Variants in ZNF880 observed in about 807,000 individuals in gnomAD.
ZNF880 encodes the protein zinc finger protein LOC400713.
Under a neutral mutation model 11.8 loss-of-function variants are expected in ZNF880, and 12 were observed. That is an observed-to-expected ratio of 1.02 (90% CI 0.65 to 1.65). ZNF880 has a LOEUF of 1.65. ZNF880 is among the 40% of genes most tolerant of loss of function. The pLI, the probability that ZNF880 is intolerant of heterozygous loss-of-function variation, is 0.00. For synonymous variants in ZNF880, 210 were observed against 232.4 expected, an observed-to-expected ratio of 0.90 and a Z score of 0.88; for missense variants, 601 against 673.9, an observed-to-expected ratio of 0.89 and a Z score of 1.20.
At chr19:52,397,164 T>TG in the ZNF880 span, 1 of 151,192 alleles carries the variant, frequency 6.6e-6, no homozygotes, top group Non-Finnish European at 1.5e-5. Flanking sequence ...TTTTTTTTTT[T>TG]AAAGAATCGG....
rs746900411 is a variant in ZNF880, at chr19:52,373,097, G to T, written c.13-14G>T. 1 of 1,611,374 alleles carries T rather than the reference G, an allele frequency of 6.2e-7. No homozygotes were observed. Among genetic ancestry groups the T allele is most frequent in the South Asian group, 1.1e-5 (1 of 91,058 alleles). ...GTGTGATATCCTGTTGGTGAAATGT[G>T]TTTTTCATTTTAGGGACACTTGGCA... On this transcript the variant is annotated splice_polypyrimidine_tract_variant and intron_variant, in intron 1 of 3. Coordinates refer to ENST00000422689, the MANE Select transcript of ZNF880 (RefSeq NM_001145434.2).
intron 3 of ZNF880, among the ~76,000 whole-genome samples, chr19:52,375,158 GTT>G (rs58352737): frequency 2.8e-5 from 4 of 142,990 alleles, no homozygotes; most frequent in East Asian, 2.1e-4. Context: ...ACTAGTATTG[GTT>G]TTTTTTTTTT....
downstream of ZNF880, among the ~76,000 whole-genome samples, chr19:52,386,696 G>A (rs189684599): frequency 2.5e-3 from 356 of 140,286 alleles, 37 homozygotes; most frequent in Non-Finnish European, 4.4e-3. Flanking sequence ...CAGCTACTCG[G>A]GAGGCTGAGG....
intron 3 of ZNF880, among the ~76,000 whole-genome samples, chr19:52,380,517 T>TTC (rs71335644): frequency 0.36 from 53,903 of 150,490 alleles, 9,884 homozygotes; most frequent in South Asian, 0.5. Flanking sequence ...AAATGAAATC[T>TTC]TTTTATTTGT....
At chr19:52,368,973 CAAAAAAAAAA>C (rs3029482), upstream of ZNF880, among the ~76,000 whole-genome samples, 3 of 71,854 alleles carry the variant, frequency 4.2e-5, no homozygotes, top group South Asian at 5.0e-4. Context: ...GAGACCATCT[CAAAAAAAAAA>C]AAAAAAAAAA....
chr19:52,387,810 CT>C (rs926848231), downstream of ZNF880, among the ~76,000 whole-genome samples: 2 of 133,926 alleles, frequency 1.5e-5, no homozygotes, highest in African/African-American at 6.2e-5. Flanking sequence ...ACCACAATGT[CT>C]TTTTTTTCCT....
At chr19:52,374,822 G>C (rs1000635204) in intron 3 of ZNF880, 1 of 410,944 alleles carries the variant, frequency 2.4e-6, no homozygotes, top group African/African-American at 2.1e-5. Flanking sequence ...TGTACCCTCA[G>C]TCTTTGGGCT....
intron 3 of ZNF880, among the ~76,000 whole-genome samples, chr19:52,376,976 T>A (rs1986575881): frequency 6.6e-6 from 1 of 152,160 alleles, no homozygotes; most frequent in Non-Finnish European, 1.5e-5. Flanking sequence ...TGCTGTGTCA[T>A]AGGCAAAGTC....
At chr19:52,370,187 AG>A (rs1402265205) in intron 1 of ZNF880, 2 of 629,840 alleles carry the variant, frequency 3.2e-6, no homozygotes, top group African/African-American at 3.7e-5. Context: ...CTTTCACCAC[AG>A]GGCCATGTAG....
chr19:52,370,019 C>G, intron 1 of ZNF880, 42 bp downstream of exon 1: 1 of 1,551,412 alleles, frequency 6.4e-7, no homozygotes, highest in South Asian at 1.2e-5. Flanking sequence ...GATGCTGAGT[C>G]CCCTCGCGCT....
downstream of ZNF880, among the ~76,000 whole-genome samples, chr19:52,387,704 C>T (rs1410556751): frequency 1.4e-5 from 2 of 143,144 alleles, 1 homozygote; most frequent in African/African-American, 5.5e-5. Flanking sequence ...CTGCCTCGGC[C>T]TCCCAAAGTG....
At chr19:52,393,293 G>A in the ZNF880 span, among the ~76,000 whole-genome samples, 3 of 151,612 alleles carry the variant, frequency 2.0e-5, no homozygotes, top group South Asian at 2.1e-4. Flanking sequence ...GGCTGGTCTC[G>A]AACTGCTGTC....
At chr19:52,390,386 T>C, downstream of ZNF880, 1 of 387,228 alleles carries the variant, frequency 2.6e-6, no homozygotes, top group Non-Finnish European at 5.3e-6. Context: ...ACCCTGCCCC[T>C]CTCCTGACTT....
upstream of ZNF880, among the ~76,000 whole-genome samples, chr19:52,369,573 C>G (rs770937314): frequency 4.0e-5 from 6 of 151,890 alleles, no homozygotes; most frequent in Non-Finnish European, 8.8e-5. Flanking sequence ...CAAGGTTTCT[C>G]TCTCATGCCC....
chr19:52,393,968 C>G, the ZNF880 span, among the ~76,000 whole-genome samples: 6 of 151,528 alleles, frequency 4.0e-5, no homozygotes, highest in Non-Finnish European at 1.5e-5. Flanking sequence ...TCCCCAGTAG[C>G]TGGGACTACA....
At position 52,384,251 on chromosome 19, in the gene ZNF880, G is replaced by T; in HGVS notation, c.671G>T (p.Ser224Ile). 1.2e-6 allele frequency: 2 copies of T among 1,613,114 alleles called. No homozygotes were observed. Among genetic ancestry groups the T allele is most frequent in the Non-Finnish European group, 1.7e-6 (2 of 1,179,448 alleles). The change falls in exon 4 of 4, where the codon AGT becomes ATT. Residue 224 changes from serine to isoleucine, a missense_variant. Around this residue, in one of 3 missense-constraint regions of ZNF880, gnomAD observed 420 missense variants for 442.6 expected, o/e 0.95. Coordinates refer to ENST00000422689, the MANE Select transcript of ZNF880 (RefSeq NM_001145434.2). ...GAATGTGACAAGGTCTTCAGTAACA[G>T]TTCAAACCTTGTACAACATCAAAGA... is the stretch of plus-strand genomic sequence containing the variant. ...CNECDKVFSN[S>I]SNLVQHQRIH...
intron 3 of ZNF880, among the ~76,000 whole-genome samples, chr19:52,378,270 C>T (rs1986610317): frequency 1.3e-5 from 2 of 152,154 alleles, no homozygotes; most frequent in Non-Finnish European, 2.9e-5. Context: ...TGTGCTTTGT[C>T]CATACTTTAG....
In ZNF880 at chr19:52,373,196, G is replaced by C. The variant is rs1304436965; in HGVS notation, c.98G>C (p.Arg33Thr). The part of the protein sequence containing the change: ...CLDPAQRTLY[R>T]EVMVENYRNL... ...GACCCTGCTCAGAGGACTTTATACA[G>C]GGAAGTGATGGTGGAGAACTACAGG... The change falls in exon 2 of 4, where the codon AGG (arginine) becomes ACG (threonine). Residue 33 changes from arginine to threonine, a missense_variant. Transcript: ENST00000422689. 1.9e-6 allele frequency: 3 copies of C among 1,613,336 alleles called. No individual in the cohort carries two copies. Among genetic ancestry groups the C allele is most frequent in the South Asian group, 2.2e-5 (2 of 91,072 alleles).
the ZNF880 span, chr19:52,392,676 C>G: frequency 4.4e-6 from 1 of 225,446 alleles, no homozygotes; most frequent in Admixed American, 4.4e-5. Flanking sequence ...TCTTCCTGAC[C>G]TGAGTATTAT....
Sources: allele counts gnomAD v4.1 joint callset (sites outside exome capture counted in the v4.1 genomes callset), GRCh38; gene constraint gnomAD v4.1.1; regional missense constraint gnomAD v4.1.1; transcripts MANE v1.5; gene names NCBI Gene and HGNC (gene_info 2026-07-23, HGNC 2026-07-21).